CFAP47: variants seen among roughly 807,000 people sequenced by gnomAD.
The protein encoded by CFAP47 is cilia and flagella associated protein 47.
A neutral mutation model predicts 148.1 loss-of-function variants in CFAP47; 29 were observed. The observed-to-expected ratio is 0.20, with a 90% CI of 0.15 to 0.27. CFAP47 has a LOEUF of 0.27. Ranked by LOEUF, CFAP47 falls within the 10% of genes least tolerant of loss-of-function variation. The pLI is 1.00. For missense variants in CFAP47, 1,872 were observed against 1,697.5 expected, an observed-to-expected ratio of 1.10 and a Z score of -1.81; for synonymous variants, 664 against 577.3, an observed-to-expected ratio of 1.15 and a Z score of -2.15.
Position 36,310,943 on chromosome X carries a change from C to A in CFAP47, c.8298C>A (p.Phe2766Leu), listed in dbSNP as rs1556009852. The change falls in exon 56 of 64, where the codon TTC (phenylalanine) becomes TTA (leucine). Residue 2766 changes from phenylalanine to leucine, a missense_variant. Physicochemically the swap from Phe to Leu is conservative, Grantham distance 22 (BLOSUM62 0). Coordinates refer to ENST00000378653, the MANE Select transcript of CFAP47 (RefSeq NM_001304548.2). Reference protein sequence around the residue: ...IGLQSTIVIPFKNPTMEDVLI... With the variant: ...IGLQSTIVIPLKNPTMEDVLI... The stretch of plus-strand genomic sequence containing the variant: ...TTCAGTCAACTATTGTTATACCTTT[C>A]AAAAATCCCACAATGGAAGATGTCC... 1 of 1,140,779 alleles carries A rather than the reference C, an allele frequency of 8.8e-7. No individual in the cohort carries two copies. Among genetic ancestry groups the A allele is most frequent in the Admixed American group, 2.8e-5 (1 of 36,209 alleles). The allele number at this position is 1,140,779 out of a possible 1,213,427, so 94.0% of individuals were successfully genotyped here.
intron 1 of CFAP47, 58 bp downstream of exon 1, chrX:35,920,106 GTC>G (rs1312534761): frequency 9.0e-7 from 1 of 1,113,742 alleles, no homozygotes; most frequent in Non-Finnish European, 1.2e-6. Flanking sequence ...CTCACACTGC[GTC>G]TCTCTTTGCC....
intron 39 of CFAP47, among the ~76,000 whole-genome samples, chrX:36,171,002 A>C (rs1377115101): frequency 2.7e-5 from 3 of 110,250 alleles, no homozygotes; most frequent in Non-Finnish European, 5.7e-5. Flanking sequence ...CCTGGTGTGA[A>C]ATGGTATCTC....
chrX:35,935,516 A>C (rs1295907921), intron 2 of CFAP47, among the ~76,000 whole-genome samples: 1 of 109,881 alleles, frequency 9.1e-6, no homozygotes, highest in Non-Finnish European at 1.9e-5. Flanking sequence ...AGTGATATGA[A>C]GTTAAAACCA....
intron 2 of CFAP47, among the ~76,000 whole-genome samples, chrX:35,927,785 C>T (rs1205040465): frequency 9.1e-6 from 1 of 110,423 alleles, no homozygotes; most frequent in East Asian, 2.8e-4. Flanking sequence ...CTCACACCCA[C>T]GAACCCTAAA....
At chrX:36,071,348 T>C (rs181291289) in intron 27 of CFAP47, among the ~76,000 whole-genome samples, 77 of 112,318 alleles carry the variant, frequency 6.9e-4, no homozygotes, top group African/African-American at 2.4e-3. Flanking sequence ...GAAATCGAGA[T>C]TGAAATCTGT....
At chrX:36,189,540 C>A (rs781892328) in intron 41 of CFAP47, among the ~76,000 whole-genome samples, 1 of 111,718 alleles carries the variant, frequency 9.0e-6, no homozygotes, top group Non-Finnish European at 1.9e-5. Flanking sequence ...TTGTAAGGAT[C>A]AAGTCACTAA....
At chrX:36,007,646 A>C (rs1936995981) in intron 21 of CFAP47, among the ~76,000 whole-genome samples, 1 of 112,133 alleles carries the variant, frequency 8.9e-6, no homozygotes, top group Admixed American at 9.5e-5. Context: ...GGGCAAAGGA[A>C]TCATGGAACC....
intron 33 of CFAP47, among the ~76,000 whole-genome samples, chrX:36,121,287 C>A: frequency 9.0e-6 from 1 of 110,650 alleles, no homozygotes; most frequent in Non-Finnish European, 1.9e-5. Context: ...ATCATCAAAT[C>A]ATTGAGTATT....
rs1345980540 is a variant in CFAP47 at position 36,353,609 on chromosome X, C to G, written c.8779C>G (p.Leu2927Val). The G allele has an allele frequency of 1.7e-5, 20 of 1,159,900 alleles. No individual in the cohort carries two copies. Among genetic ancestry groups the G allele is most frequent in the Non-Finnish European group, 2.1e-5 (18 of 867,737 alleles). ...GAATGCTGGTTTTTTCGGATTTAGT[C>G]TTACTCCAGATCTGACAGAAGTTTT... is the stretch of plus-strand genomic sequence containing the variant. ...ILNAGFFGFS[L>V]TPDLTEVLVI... The change falls in exon 60 of 64, where the codon CTT (leucine) becomes GTT (valine). Residue 2927 changes from leucine to valine, a missense_variant. Physicochemically the swap from Leu to Val is conservative, Grantham distance 32 (BLOSUM62 1). Transcript: ENST00000378653.
In CFAP47 at chrX:36,073,231, T is replaced by A; in HGVS notation, c.4558T>A (p.Phe1520Ile). The change falls in exon 29 of 64, where the codon TTC becomes ATC. Residue 1520 changes from phenylalanine (F) to isoleucine (I), a missense_variant. Coordinates refer to ENST00000378653, the MANE Select transcript of CFAP47 (RefSeq NM_001304548.2). ...TCTGGAAAAGGAAAAATATGAACAATTCCTTTCTCTTGAGGAAGGAACAAA... is the reference window on the plus strand; with the variant it reads ...TCTGGAAAAGGAAAAATATGAACAAATCCTTTCTCTTGAGGAAGGAACAAA... ...GSLEKEKYEQ[F>I]LSLEEGTKAH... The A allele has an allele frequency of 8.3e-7, 1 of 1,208,158 alleles. No homozygotes were observed. The highest frequency in any genetic ancestry group is 1.1e-6 in the Non-Finnish European group (1 of 892,690).
intron 54 of CFAP47, among the ~76,000 whole-genome samples, chrX:36,305,811 G>A (rs1941342958): frequency 9.0e-6 from 1 of 111,584 alleles, no homozygotes; most frequent in African/African-American, 3.2e-5. Context: ...ATCCTAAAGT[G>A]TATATTAACT....
At chrX:36,032,398 C>T (rs768325993) in intron 23 of CFAP47, among the ~76,000 whole-genome samples, 5 of 109,034 alleles carry the variant, frequency 4.6e-5, no homozygotes, top group East Asian at 5.8e-4. Context: ...ACAGAGAAGA[C>T]GTAATATGTT....
chrX:36,035,320 C>G (rs907648832), intron 23 of CFAP47, among the ~76,000 whole-genome samples: 6 of 111,554 alleles, frequency 5.4e-5, no homozygotes, highest in Non-Finnish European at 9.4e-5. Flanking sequence ...TCTCCCTACC[C>G]TAACTACATT....
chrX:36,240,082 C>A (rs1436810541), intron 48 of CFAP47, among the ~76,000 whole-genome samples: 8 of 111,446 alleles, frequency 7.2e-5, no homozygotes, highest in African/African-American at 2.6e-4. Context: ...AGTCACTAAA[C>A]CATAAAAGAA....
At position 36,188,671 on chromosome X, in the gene CFAP47, C is replaced by T; in HGVS notation, c.6156C>T (p.Ser2052=). ...GSDTDQGCSD[S]PNVLHTSIKS... is the part of the protein sequence containing the mutation. ...ACACTGATCAGGGCTGTTCCGATTC[C>T]CCAAATGTCTTACATACCTGTGAGT... Residue 2052 remains serine (S), a synonymous_variant, in exon 41 of 64, where the codon TCC becomes TCT. Coordinates refer to ENST00000378653, the MANE Select transcript of CFAP47 (RefSeq NM_001304548.2). 3.4e-6 allele frequency: 1 copy of T among 297,253 alleles called. No individual in the cohort carries two copies. The highest frequency in any genetic ancestry group is 4.8e-5 in the East Asian group (1 of 21,042). The allele number at this position is 297,253 out of a possible 1,213,427, so 24.5% of individuals were successfully genotyped here. A position where few individuals can be genotyped will look rare whatever the true frequency, so the allele number is the denominator to read the frequency against.
chrX:36,341,011 T>C (rs1051840270), intron 57 of CFAP47, among the ~76,000 whole-genome samples: 9 of 108,361 alleles, frequency 8.3e-5, no homozygotes, highest in African/African-American at 3.1e-4. Flanking sequence ...GTACTACTTA[T>C]GGTGCTAGTA....
chrX:36,000,217 C>T (rs1297822690), intron 19 of CFAP47, 66 bp from the exon 20 acceptor site: 1 of 272,464 alleles, frequency 3.7e-6, no homozygotes, highest in Non-Finnish European at 6.5e-6. Flanking sequence ...TATAATATTG[C>T]AAGTTTTAGT....
intron 30 of CFAP47, among the ~76,000 whole-genome samples, chrX:36,090,432 C>T (rs1048205482): frequency 8.9e-6 from 1 of 111,758 alleles, no homozygotes; most frequent in Non-Finnish European, 1.9e-5. Context: ...AACTTGCAAT[C>T]GTTGTGTTAT....
intron 62 of CFAP47, among the ~76,000 whole-genome samples, chrX:36,373,531 T>C (rs1178083187): frequency 2.7e-5 from 3 of 111,214 alleles, no homozygotes; most frequent in Non-Finnish European, 5.7e-5. Context: ...GGATAGATGA[T>C]AGTATTTCTT....
Sources: allele counts gnomAD v4.1 joint callset (sites outside exome capture counted in the v4.1 genomes callset), GRCh38; gene constraint gnomAD v4.1.1; transcripts MANE v1.5; gene names NCBI Gene and HGNC (gene_info 2026-07-23, HGNC 2026-07-21).